PRUNE2: variants seen among roughly 807,000 people sequenced by gnomAD.
The protein encoded by PRUNE2 is protein prune homolog 2.
PRUNE2 carries 164 observed loss-of-function variants against 252.0 expected under a neutral mutation model. That is an observed-to-expected ratio of 0.65 (90% CI 0.57 to 0.74). PRUNE2 has a LOEUF of 0.74. Among genes scored for constraint, PRUNE2 ranks in the 30% least tolerant of loss-of-function variants. The pLI, the probability that PRUNE2 is intolerant of heterozygous loss-of-function variation, is 0.00. For synonymous variants in PRUNE2, 1,292 were observed against 1,350.2 expected, an observed-to-expected ratio of 0.96 and a Z score of 0.94; for missense variants, 3,495 against 3,711.0, an observed-to-expected ratio of 0.94 and a Z score of 1.51.
At chr9:76,621,371 G>A (rs1332331606) in intron 17 of PRUNE2, among the ~76,000 whole-genome samples, 2 of 152,112 alleles carry the variant, frequency 1.3e-5, no homozygotes, top group Non-Finnish European at 2.9e-5. Context: ...CGAGATGGTG[G>A]GATTCTAAGG....
intron 6 of PRUNE2, chr9:76,784,320 G>C (rs1324194660): frequency 6.6e-6 from 1 of 152,188 alleles, no homozygotes; most frequent in Non-Finnish European, 1.5e-5. Flanking sequence ...TTACCAATGA[G>C]AGGAAAACAG....
intron 6 of PRUNE2, among the ~76,000 whole-genome samples, chr9:76,779,388 C>A (rs1342954440): frequency 6.6e-6 from 1 of 152,228 alleles, no homozygotes; most frequent in South Asian, 2.1e-4. Context: ...CCAAAGCCAA[C>A]GTCGAATTTT....
At chr9:76,693,422 A>G (rs1168213824) in intron 9 of PRUNE2, among the ~76,000 whole-genome samples, 1 of 142,744 alleles carries the variant, frequency 7.0e-6, no homozygotes, top group African/African-American at 2.6e-5. Flanking sequence ...GGTGCTTAAG[A>G]GATGTTAGCA....
At chr9:76,723,198 C>T (rs2047795835) in intron 6 of PRUNE2, among the ~76,000 whole-genome samples, 1 of 152,166 alleles carries the variant, frequency 6.6e-6, no homozygotes, top group South Asian at 2.1e-4. Context: ...TTGTGATATT[C>T]TTGCAGTAGT....
Position 76,710,696 on chromosome 9 carries a change from G to A in PRUNE2, c.1578C>T (p.Asp526=). 6 of 1,612,908 alleles carry A rather than the reference G, an allele frequency of 3.7e-6. No homozygotes were observed. The highest frequency in any genetic ancestry group is 5.1e-6 in the Non-Finnish European group (6 of 1,179,410). ...SPADDFFPNS[D]LSEGQLPAGP... Reference sequence around the variant, plus strand: ...CAGCGGGGAGCTGTCCTTCTGACAGGTCACTGTTGGGGAAGAAGTCATCTG... The same window carrying A: ...CAGCGGGGAGCTGTCCTTCTGACAGATCACTGTTGGGGAAGAAGTCATCTG... The change falls in exon 8 of 19, where the codon GAC becomes GAT. Residue 526 remains aspartate (D), a synonymous_variant. Transcript: ENST00000376718.
chr9:76,826,689 G>A lies in PRUNE2; in HGVS notation c.552C>T (p.Ile184=), dbSNP rs779020971. Residue 184 remains isoleucine (I), a synonymous_variant, in exon 5 of 19, where the codon ATC becomes ATT. Coordinates refer to ENST00000376718, the MANE Select transcript of PRUNE2 (RefSeq NM_015225.3). ...AAAGAATTTCCTCCTGCTTCTCTGA[G>A]ATCTTCTCTGATTCCATGGTCATCC... is the stretch of plus-strand genomic sequence containing the variant. ...FKWMTMESEK[I]SEKQEEILSI... is the part of the protein sequence containing the mutation. The A allele has an allele frequency of 6.2e-7, 1 of 1,612,350 alleles. No individual in the cohort carries two copies.
chr9:76,877,845 C>T (rs1213521279), intron 1 of PRUNE2, among the ~76,000 whole-genome samples: 1 of 152,168 alleles, frequency 6.6e-6, no homozygotes, highest in Non-Finnish European at 1.5e-5. Flanking sequence ...AGAGAGAATA[C>T]CTGTTTAGTG....
intron 6 of PRUNE2, among the ~76,000 whole-genome samples, chr9:76,814,149 A>T (rs530723877): frequency 3.9e-5 from 6 of 152,276 alleles, no homozygotes; most frequent in African/African-American, 1.4e-4. Flanking sequence ...AGTAATATGT[A>T]AGAGTGGGTT....
chr9:76,742,639 A>AC (rs1300499198), intron 6 of PRUNE2, among the ~76,000 whole-genome samples: 1 of 152,142 alleles, frequency 6.6e-6, no homozygotes, highest in Admixed American at 6.6e-5. Flanking sequence ...AAGAAAGAAA[A>AC]GAAAAAGAAC....
chr9:76,652,504 A>T lies in PRUNE2; in HGVS notation c.8536T>A (p.Ser2846Thr), dbSNP rs746777457. The T allele has an allele frequency of 1.2e-6, 2 of 1,613,148 alleles. No individual in the cohort carries two copies. Among genetic ancestry groups the T allele is most frequent in the South Asian group, 2.2e-5 (2 of 91,010 alleles). Residue 2846 changes from serine to threonine, a missense_variant, in exon 11 of 19, where the codon TCT (serine) becomes ACT (threonine). Ser to Thr is a moderately conservative substitution (Grantham distance 58). Transcript: ENST00000376718. ...DELDTPDEAD[S>T]FEYTGHDPTA... Reference sequence around the variant, plus strand: ...TTACCATGGCCAGTGTACTCAAAAGAATCTGCTTCATCGGGGGTATCAAGT... The same window carrying T: ...TTACCATGGCCAGTGTACTCAAAAGTATCTGCTTCATCGGGGGTATCAAGT...
At chr9:76,901,776 T>G (rs2063189518) in intron 1 of PRUNE2, among the ~76,000 whole-genome samples, 1 of 152,234 alleles carries the variant, frequency 6.6e-6, no homozygotes, top group Non-Finnish European at 1.5e-5. Context: ...ACATATCAAC[T>G]AATACCTACT....
chr9:76,671,931 G>C (rs2041567530), intron 9 of PRUNE2, among the ~76,000 whole-genome samples: 2 of 152,098 alleles, frequency 1.3e-5, no homozygotes, highest in East Asian at 3.9e-4. Context: ...ACAACCAGTA[G>C]CAGCCACTGT....
chr9:76,875,216 C>T (rs993400386), intron 1 of PRUNE2, among the ~76,000 whole-genome samples: 7 of 151,986 alleles, frequency 4.6e-5, no homozygotes, highest in African/African-American at 1.7e-4. Context: ...TCAAATATCA[C>T]TTTTTTCTGT....
At chr9:76,668,806 C>T (rs2040727518) in intron 9 of PRUNE2, among the ~76,000 whole-genome samples, 2 of 151,448 alleles carry the variant, frequency 1.3e-5, no homozygotes, top group South Asian at 4.2e-4. Flanking sequence ...TGGGAGGCAT[C>T]GTCGTTTGGA....
intron 6 of PRUNE2, chr9:76,736,872 G>T (rs2049122244): frequency 6.6e-6 from 1 of 152,192 alleles, no homozygotes; most frequent in Admixed American, 6.5e-5. Flanking sequence ...AGCAGAAGAG[G>T]TCTAAATGGA....
chr9:76,739,115 C>T lies in PRUNE2; in HGVS notation c.757-25394G>A, dbSNP rs1157776324. ...AAACTACATTACGCATGGATTACCT[C>T]GTATATTCCACTATTCTTATCCCAT... is the stretch of plus-strand genomic sequence containing the variant. On this transcript the variant is annotated intron_variant, in intron 6 of 18. Coordinates refer to ENST00000376718, the MANE Select transcript of PRUNE2 (RefSeq NM_015225.3). The T allele has an allele frequency of 3.3e-5, 5 of 152,262 alleles. No homozygotes were observed. In the South Asian group the frequency reaches 8.3e-4, roughly 25 times the overall value. 9.4% of individuals were successfully genotyped at this position (152,262 alleles called of 1,614,324 possible). A position where few individuals can be genotyped will look rare whatever the true frequency, so the allele number is the denominator to read the frequency against.
intron 6 of PRUNE2, among the ~76,000 whole-genome samples, chr9:76,758,077 CTA>C (rs1229282552): frequency 6.6e-6 from 1 of 152,034 alleles, no homozygotes; most frequent in Non-Finnish European, 1.5e-5. Context: ...AATCAGGAGA[CTA>C]TAACAAAATA....
intron 1 of PRUNE2, among the ~76,000 whole-genome samples, chr9:76,876,110 G>T (rs1371226082): frequency 6.6e-6 from 1 of 152,126 alleles, no homozygotes. Flanking sequence ...CTACAAATCT[G>T]CTTGCAAAAT....
At chr9:76,619,203 T>A in intron 18 of PRUNE2, 137 bp downstream of exon 18, 1 of 595,390 alleles carries the variant, frequency 1.7e-6, no homozygotes, top group South Asian at 2.2e-5. Flanking sequence ...GCTTCAGGTT[T>A]CTAATTTCAG....
Sources: gnomAD v4.1 joint callset for allele counts (sites outside exome capture counted in the v4.1 genomes callset) on GRCh38, gnomAD v4.1.1 for gene constraint, MANE v1.5 for transcripts, NCBI Gene and HGNC (gene_info 2026-07-23, HGNC 2026-07-21) for gene names.